Variants in GRHL2 observed in about 807,000 individuals in gnomAD.
GRHL2 encodes the protein grainyhead like transcription factor 2.
GRHL2 carries 21 observed loss-of-function variants against 83.8 expected under a neutral mutation model. That is an observed-to-expected ratio of 0.25 (90% CI 0.18 to 0.36). The LOEUF (loss-of-function observed/expected upper bound fraction) is 0.36. GRHL2 is among the 10% of genes least tolerant of loss of function. The pLI is 1.00. For synonymous variants in GRHL2, 280 were observed against 278.9 expected (o/e 1.00, Z -0.04); for missense variants, 623 against 781.8 (o/e 0.80, Z 2.42).
intron 9 of GRHL2, among the ~76,000 whole-genome samples, chr8:101,625,363 G>C (rs1458491839): frequency 6.6e-6 from 1 of 151,918 alleles, no homozygotes; most frequent in Admixed American, 6.6e-5. Flanking sequence ...GAAAAACAAA[G>C]AATAAAAGCA....
chr8:101,662,506 ACCT>A (rs747421772), intron 14 of GRHL2, among the ~76,000 whole-genome samples: 137 of 152,090 alleles, frequency 9.0e-4, no homozygotes, highest in Non-Finnish European at 1.5e-3. Flanking sequence ...TCTGCTCTAG[ACCT>A]CTTCAGCCTC....
At chr8:101,535,608 G>T (rs985188911) in intron 1 of GRHL2, among the ~76,000 whole-genome samples, 1 of 151,912 alleles carries the variant, frequency 6.6e-6, no homozygotes, top group Non-Finnish European at 1.5e-5. Flanking sequence ...GCTTGATCTT[G>T]GCTCACTACA....
intron 14 of GRHL2, among the ~76,000 whole-genome samples, chr8:101,652,371 C>G (rs1434598840): frequency 0.053 from 644 of 12,100 alleles, 8 homozygotes; most frequent in African/African-American, 0.18. Context: ...GTGTGTGTGT[C>G]TGATGTGTGT....
chr8:101,573,685 C>T lies in GRHL2; in HGVS notation c.752C>T (p.Thr251Ile), dbSNP rs779623350. 6.2e-7 allele frequency: 1 copy of T among 1,614,162 alleles called. No individual in the cohort carries two copies. The highest frequency in any genetic ancestry group is 2.2e-5 in the East Asian group (1 of 44,884). ...TTTCACAGTGGCACATTTCAGTACACCCTGGAAGCCACCAAATCTCTCCGT... is the reference window on the plus strand; with the variant it reads ...TTTCACAGTGGCACATTTCAGTACATCCTGGAAGCCACCAAATCTCTCCGT... The part of the protein sequence containing the change: ...DQTSSGTFQY[T>I]LEATKSLRQK... Residue 251 changes from threonine (T) to isoleucine (I), a missense_variant, in exon 6 of 16, where the codon ACC becomes ATC. This residue lies in a region of GRHL2 where 239 missense variants were observed against 240.5 expected (regional missense o/e 0.99). Coordinates refer to ENST00000646743, the MANE Select transcript of GRHL2 (RefSeq NM_024915.4).
intron 9 of GRHL2, among the ~76,000 whole-genome samples, chr8:101,623,693 AGGACAG>A: frequency 6.6e-6 from 1 of 152,164 alleles, no homozygotes; most frequent in African/African-American, 2.4e-5. Flanking sequence ...AGTACACAGT[AGGACAG>A]AACACAGTAG....
At chr8:101,544,639 T>A (rs1811222960) in intron 2 of GRHL2, among the ~76,000 whole-genome samples, 1 of 152,240 alleles carries the variant, frequency 6.6e-6, no homozygotes, top group African/African-American at 2.4e-5. Flanking sequence ...TGAGGATGGC[T>A]GTGTTTATTT....
At chr8:101,652,578 TG>T in intron 14 of GRHL2, among the ~76,000 whole-genome samples, 1 of 107,752 alleles carries the variant, frequency 9.3e-6, no homozygotes, top group African/African-American at 4.3e-5. Context: ...GTGTGTGGTG[TG>T]TGTGGTGTCT....
chr8:101,539,373 A>G (rs1348970481), intron 1 of GRHL2, among the ~76,000 whole-genome samples: 1 of 152,160 alleles, frequency 6.6e-6, no homozygotes, highest in African/African-American at 2.4e-5. Context: ...CTGTGCCTTC[A>G]TGGGCAACGA....
chr8:101,632,417 G>A, intron 11 of GRHL2, 52 bp downstream of exon 11: 1 of 1,607,956 alleles, frequency 6.2e-7, no homozygotes, highest in East Asian at 2.2e-5. Context: ...GGGCAAGTAG[G>A]GCTTTAAGAT....
chr8:101,635,378 G>A (rs146088017), intron 11 of GRHL2, among the ~76,000 whole-genome samples: 1 of 152,330 alleles, frequency 6.6e-6, no homozygotes, highest in African/African-American at 2.4e-5. Context: ...TGACAAAGAA[G>A]GGACAGTGAT....
downstream of GRHL2, among the ~76,000 whole-genome samples, chr8:101,670,885 G>A (rs1288636101): frequency 6.6e-6 from 1 of 152,202 alleles, no homozygotes; most frequent in Non-Finnish European, 1.5e-5. Context: ...TGGAGAGAGA[G>A]GCAAGTTAGA....
intron 1 of GRHL2, among the ~76,000 whole-genome samples, chr8:101,524,812 GT>G (rs1810770153): frequency 6.6e-6 from 1 of 151,860 alleles, no homozygotes; most frequent in African/African-American, 2.4e-5. Flanking sequence ...AAAAAATCCA[GT>G]TTGAAAGTAT....
intron 14 of GRHL2, among the ~76,000 whole-genome samples, chr8:101,656,461 C>T (rs1813787669): frequency 1.3e-5 from 2 of 152,214 alleles, no homozygotes; most frequent in South Asian, 4.1e-4. Context: ...ATAGAGCCAA[C>T]TTAAGTCCTC....
At chr8:101,603,108 T>C (rs1187374601) in intron 8 of GRHL2, among the ~76,000 whole-genome samples, 3 of 152,314 alleles carry the variant, frequency 2.0e-5, no homozygotes, top group African/African-American at 4.8e-5. Context: ...TTGATCCAAA[T>C]GTGAATACAT....
intron 7 of GRHL2, among the ~76,000 whole-genome samples, chr8:101,584,193 AT>A (rs1812117746): frequency 6.6e-6 from 1 of 152,194 alleles, no homozygotes; most frequent in Non-Finnish European, 1.5e-5. Context: ...ATTAATATTA[AT>A]CCTGTAGATT....
chr8:101,537,767 G>A (rs1811072114), intron 1 of GRHL2, among the ~76,000 whole-genome samples: 1 of 152,076 alleles, frequency 6.6e-6, no homozygotes, highest in African/African-American at 2.4e-5. Context: ...AACTCCAAAA[G>A]CATCCTCCCC....
chr8:101,593,476 TA>T (rs143343375), intron 7 of GRHL2, among the ~76,000 whole-genome samples: 2,736 of 152,282 alleles, frequency 0.018, 33 homozygotes, highest in Non-Finnish European at 0.028. Context: ...ATGTATTTTA[TA>T]ATTGTGTTTT....
intron 7 of GRHL2, among the ~76,000 whole-genome samples, chr8:101,591,720 G>A (rs1294702057): frequency 2.0e-5 from 3 of 152,222 alleles, no homozygotes; most frequent in African/African-American, 7.2e-5. Flanking sequence ...GGAAGATGCT[G>A]ATTCCTGCTT....
intron 14 of GRHL2, among the ~76,000 whole-genome samples, chr8:101,651,427 G>T (rs1813619474): frequency 6.6e-6 from 1 of 152,234 alleles, no homozygotes; most frequent in Non-Finnish European, 1.5e-5. Flanking sequence ...AGGATATTCT[G>T]AGATGAGCTA....
Sources: gnomAD v4.1 joint callset for allele counts (sites outside exome capture counted in the v4.1 genomes callset) on GRCh38, gnomAD v4.1.1 for gene constraint, gnomAD v4.1.1 regional missense constraint, MANE v1.5 for transcripts, NCBI Gene and HGNC (gene_info 2026-07-23, HGNC 2026-07-21) for gene names.